The following NCAM1 variants were observed in gnomAD, a reference collection of about 807,000 sequenced individuals.
NCAM1 encodes the protein antigen recognized by monoclonal antibody 5.1H11.
A neutral mutation model predicts 109.8 loss-of-function variants in NCAM1; 14 were observed. That is an observed-to-expected ratio of 0.13 (90% CI 0.08 to 0.20). NCAM1 has a LOEUF of 0.20. Ranked by LOEUF, NCAM1 falls within the 10% of genes least tolerant of loss-of-function variation. NCAM1 has a pLI of 1.00. For missense variants in NCAM1, 774 were observed against 1,109.9 expected (o/e 0.70, Z 4.30); for synonymous variants, 418 against 442.9 (o/e 0.94, Z 0.70).
chr11:113,178,200 GAC>G (rs1263940652), intron 1 of NCAM1, among the ~76,000 whole-genome samples: 4 of 152,120 alleles, frequency 2.6e-5, no homozygotes, highest in Non-Finnish European at 5.9e-5. Flanking sequence ...AAGAAGGAGA[GAC>G]AAAAAGTGAA....
rs554720036 is a variant in NCAM1 at position 112,962,426 on chromosome 11, G to A, written c.52+762G>A. 1.3e-5 allele frequency among the ~76,000 whole-genome samples: 2 copies of A among 152,068 alleles called. No homozygotes were observed. The highest frequency in any genetic ancestry group is 1.3e-4 in the Admixed American group (2 of 15,300). ...GCGGAGGGCGAGGAGGGCGTGATTG[G>A]GGCTGCCTGGTGTGTGCGCGCGCGT... On this transcript the variant is annotated intron_variant, in intron 1 of 19. Coordinates refer to ENST00000316851, the MANE Select transcript of NCAM1 (RefSeq NM_181351.5). This position sits in a 1 kb window ranked among gnomAD's most constrained non-coding sequence, Gnocchi z 5.6.
intron 16 of NCAM1, among the ~76,000 whole-genome samples, chr11:113,256,491 G>A (rs1945838310): frequency 6.6e-6 from 1 of 152,124 alleles, no homozygotes; most frequent in African/African-American, 2.4e-5. Flanking sequence ...GTCAATAACT[G>A]CTGGATCTCA....
At chr11:112,984,315 T>G (rs1302423228) in intron 1 of NCAM1, among the ~76,000 whole-genome samples, 3 of 151,998 alleles carry the variant, frequency 2.0e-5, no homozygotes, top group Admixed American at 6.6e-5. Context: ...AAGTTTTTTC[T>G]GTAACTTGGC....
intron 1 of NCAM1, among the ~76,000 whole-genome samples, chr11:113,084,739 A>G (rs1345521226): frequency 6.6e-6 from 1 of 152,184 alleles, no homozygotes; most frequent in Admixed American, 6.5e-5. Flanking sequence ...ATTGTGGCTG[A>G]GAGCATGGGA....
At chr11:112,989,626 A>C (rs2155282) in intron 1 of NCAM1, among the ~76,000 whole-genome samples, 1 of 151,914 alleles carries the variant, frequency 6.6e-6, no homozygotes, top group African/African-American at 2.4e-5. Context: ...TCCATTTCTT[A>C]GGAGTTGATT....
In NCAM1 at chr11:113,108,598, C is replaced by T. The variant is rs147072891; in HGVS notation, c.53-93781C>T. Among the ~76,000 whole-genome samples the T allele has an allele frequency of 8.2e-4, 125 of 152,154 alleles. No homozygotes were observed. In the East Asian group the frequency reaches 0.018, roughly 21 times the overall value. ...GTCTGGACAAAAAGTTCTTTGTTAA[C>T]CTGAAAGCATATGGCAGACATATCC... On this transcript the variant is annotated intron_variant, in intron 1 of 19. Transcript: ENST00000316851.
intron 1 of NCAM1, among the ~76,000 whole-genome samples, chr11:112,976,811 A>G (rs1951020244): frequency 6.6e-6 from 1 of 151,930 alleles, no homozygotes; most frequent in East Asian, 1.9e-4. Flanking sequence ...TCCATATCTA[A>G]CATTTTATCT....
intron 1 of NCAM1, among the ~76,000 whole-genome samples, chr11:113,083,802 C>T (rs1185809939): frequency 6.6e-6 from 1 of 152,102 alleles, no homozygotes; most frequent in African/African-American, 2.4e-5. Flanking sequence ...GTAGCAAGGG[C>T]TTTGTCTTTG....
intron 15 of NCAM1, among the ~76,000 whole-genome samples, chr11:113,250,513 A>G (rs2137507049): frequency 6.6e-6 from 1 of 152,364 alleles, no homozygotes; most frequent in Middle Eastern, 3.4e-3. Flanking sequence ...GAATAGCTAA[A>G]TCATACATTT....
At chr11:113,079,405 C>T (rs138020212) in intron 1 of NCAM1, among the ~76,000 whole-genome samples, 48 of 152,252 alleles carry the variant, frequency 3.2e-4, no homozygotes, top group Non-Finnish European at 3.1e-4. Flanking sequence ...CCTCTATACC[C>T]GTGTTTCTGT....
intron 1 of NCAM1, among the ~76,000 whole-genome samples, chr11:113,086,238 C>T (rs2135720940): frequency 6.6e-6 from 1 of 152,306 alleles, no homozygotes; most frequent in Middle Eastern, 3.4e-3. Flanking sequence ...AAGGTGCAGG[C>T]TATGCAGGGC....
At chr11:113,032,377 C>T (rs1952748191) in intron 1 of NCAM1, among the ~76,000 whole-genome samples, 1 of 152,120 alleles carries the variant, frequency 6.6e-6, no homozygotes, top group African/African-American at 2.4e-5. Context: ...GGGACTGCAG[C>T]AAGCCCTGCT....
chr11:113,103,653 G>A (rs1939983068), intron 1 of NCAM1, among the ~76,000 whole-genome samples: 1 of 152,050 alleles, frequency 6.6e-6, no homozygotes, highest in South Asian at 2.1e-4. Context: ...TTAAAGATTT[G>A]GGATGAAATG....
intron 1 of NCAM1, among the ~76,000 whole-genome samples, chr11:113,128,742 C>G (rs1432399142): frequency 6.6e-6 from 1 of 152,014 alleles, no homozygotes; most frequent in African/African-American, 2.4e-5. Flanking sequence ...GCAGGGTCAA[C>G]TTGGATTCCA....
intron 14 of NCAM1, chr11:113,243,404 C>T (rs1555119479): frequency 2.9e-6 from 1 of 346,012 alleles, no homozygotes; most frequent in Non-Finnish European, 5.9e-6. Context: ...TGTCTCCTTT[C>T]AGGCTCCCGC....
At chr11:113,238,469 A>G (rs944850821) in intron 14 of NCAM1, among the ~76,000 whole-genome samples, 1 of 152,152 alleles carries the variant, frequency 6.6e-6, no homozygotes, top group East Asian at 1.9e-4. Context: ...GACTTAGCCC[A>G]CGGAGTATCC....
intron 1 of NCAM1, among the ~76,000 whole-genome samples, chr11:112,969,613 G>T (rs1555066412): frequency 6.6e-6 from 1 of 152,004 alleles, no homozygotes; most frequent in Non-Finnish European, 1.5e-5. Context: ...TTCCCTTGTG[G>T]GTCTTGGTGA....
intron 1 of NCAM1, among the ~76,000 whole-genome samples, chr11:112,992,473 A>G (rs1951484982): frequency 6.6e-6 from 1 of 151,416 alleles, no homozygotes; most frequent in African/African-American, 2.4e-5. Context: ...TCTCCTCTAA[A>G]CACAGAAAAA....
At chr11:113,189,448 TCA>T (rs1565488077) in intron 1 of NCAM1, among the ~76,000 whole-genome samples, 1 of 15,484 alleles carries the variant, frequency 6.5e-5, no homozygotes, top group Non-Finnish European at 1.4e-4. Flanking sequence ...AGATTCTGTC[TCA>T]AAAAAAAAAA....
Sources: allele counts gnomAD v4.1 joint callset (sites outside exome capture counted in the v4.1 genomes callset), GRCh38; gene constraint gnomAD v4.1.1; non-coding constraint Gnocchi (gnomAD v3.1); transcripts MANE v1.5; gene names NCBI Gene and HGNC (gene_info 2026-07-23, HGNC 2026-07-21).